HORMAD2: variants seen among roughly 807,000 people sequenced by gnomAD.
HORMAD2 encodes the protein HORMA domain containing 2, also known as HORMA domain-containing protein 2.
Under a neutral mutation model 38.8 loss-of-function variants are expected in HORMAD2, and 45 were observed. The ratio of observed to expected loss-of-function variants is 1.16; its 90% CI spans 0.91 to 1.49. The LOEUF (loss-of-function observed/expected upper bound fraction) is 1.49, where lower values mean the gene tolerates loss of function less well. Ranked by LOEUF, HORMAD2 falls within the 40% of genes most tolerant of loss-of-function variation. The probability of loss-of-function intolerance (pLI) is 0.00; values close to 1 mark genes in which losing one functional copy is unlikely to be tolerated. For synonymous variants in HORMAD2, 126 were observed against 122.8 expected, an observed-to-expected ratio of 1.03 and a Z score of -0.17; for missense variants, 338 against 367.0, an observed-to-expected ratio of 0.92 and a Z score of 0.65.
At chr22:30,175,316 A>AAT (rs373604513) in intron 10 of HORMAD2, among the ~76,000 whole-genome samples, 3,126 of 127,618 alleles carry the variant, frequency 0.024, 110 homozygotes, top group African/African-American at 0.059. Context: ...TATATAATAT[A>AAT]ATATATATAT....
At chr22:30,204,613 G>A in the HORMAD2 span, among the ~76,000 whole-genome samples, 4 of 152,136 alleles carry the variant, frequency 2.6e-5, no homozygotes, top group African/African-American at 4.8e-5. Context: ...AAGGTGTCCC[G>A]GCTGTCCTGG....
chr22:30,142,834 G>T (rs539212675), intron 10 of HORMAD2, among the ~76,000 whole-genome samples: 3 of 151,686 alleles, frequency 2.0e-5, no homozygotes, highest in South Asian at 4.2e-4. Context: ...CTATTTTTTT[G>T]AATTTCTTTA....
At chr22:30,180,372 G>T (rs960985295), downstream of HORMAD2, among the ~76,000 whole-genome samples, 2 of 152,136 alleles carry the variant, frequency 1.3e-5, no homozygotes, top group Non-Finnish European at 2.9e-5. Flanking sequence ...ATTTTAAGGG[G>T]TTGTTGTTTG....
intron 1 of HORMAD2, among the ~76,000 whole-genome samples, chr22:30,084,740 G>A (rs541178812): frequency 9.2e-5 from 14 of 151,914 alleles, no homozygotes; most frequent in South Asian, 2.1e-4. Context: ...CCATCCCACC[G>A]TGACCTCCCA....
chr22:30,207,171 C>G, the HORMAD2 span: 1 of 453,894 alleles, frequency 2.2e-6, no homozygotes, highest in African/African-American at 2.0e-5. Flanking sequence ...AGGCTGAATC[C>G]GCAGAGAGGT....
At chr22:30,205,070 G>A in the HORMAD2 span, among the ~76,000 whole-genome samples, 785 of 152,266 alleles carry the variant, frequency 5.2e-3, 7 homozygotes, top group African/African-American at 0.017. Context: ...TCTGTGAGGC[G>A]GGCAGTTGAG....
intron 10 of HORMAD2, among the ~76,000 whole-genome samples, chr22:30,166,023 C>T (rs895403539): frequency 6.8e-6 from 1 of 146,560 alleles, no homozygotes; most frequent in Non-Finnish European, 1.5e-5. Flanking sequence ...TATTATTATT[C>T]CCCTCATTAT....
chr22:30,119,710 T>C (rs1223433029), intron 8 of HORMAD2, among the ~76,000 whole-genome samples: 3 of 152,152 alleles, frequency 2.0e-5, no homozygotes, highest in Non-Finnish European at 4.4e-5. Flanking sequence ...GTACAGATGA[T>C]GGTGAAAAGC....
chr22:30,164,032 C>T (rs905069969), intron 10 of HORMAD2, among the ~76,000 whole-genome samples: 1 of 152,156 alleles, frequency 6.6e-6, no homozygotes, highest in Non-Finnish European at 1.5e-5. Context: ...ATACCTTACA[C>T]AAGTGGAATT....
At chr22:30,191,341 G>A in the HORMAD2 span, among the ~76,000 whole-genome samples, 1 of 152,158 alleles carries the variant, frequency 6.6e-6, no homozygotes, top group Non-Finnish European at 1.5e-5. Context: ...TGATAGGAAA[G>A]AAAGTTTCTC....
intron 10 of HORMAD2, among the ~76,000 whole-genome samples, chr22:30,171,335 C>T (rs1926097590): frequency 6.6e-6 from 1 of 152,188 alleles, no homozygotes; most frequent in African/African-American, 2.4e-5. Flanking sequence ...ACTCCAAATT[C>T]AGCAGGTTCA....
chr22:30,100,622 AG>A (rs1920936273), intron 3 of HORMAD2, among the ~76,000 whole-genome samples: 1 of 152,246 alleles, frequency 6.6e-6, no homozygotes, highest in African/African-American at 2.4e-5. Flanking sequence ...GCACAGCAAA[AG>A]AAATTGTCAT....
intron 10 of HORMAD2, 144 bp from the exon 11 acceptor site, chr22:30,175,919 A>C: frequency 1.7e-6 from 1 of 571,514 alleles, no homozygotes; most frequent in South Asian, 2.3e-5. Context: ...GCCTCTGTGC[A>C]GGGCCAAACC....
At chr22:30,173,243 T>C (rs1279315116) in intron 10 of HORMAD2, among the ~76,000 whole-genome samples, 2 of 152,220 alleles carry the variant, frequency 1.3e-5, no homozygotes, top group Non-Finnish European at 1.5e-5. Flanking sequence ...AAGTTATTAA[T>C]GGATGACTGA....
At chr22:30,149,910 G>A (rs1169569979) in intron 10 of HORMAD2, among the ~76,000 whole-genome samples, 1 of 152,178 alleles carries the variant, frequency 6.6e-6, no homozygotes, top group Non-Finnish European at 1.5e-5. Context: ...CAGTGTTGCT[G>A]TTGAGAATTT....
chr22:30,103,818 C>T (rs879669450), intron 4 of HORMAD2, among the ~76,000 whole-genome samples: 11 of 151,290 alleles, frequency 7.3e-5, no homozygotes, highest in Non-Finnish European at 1.0e-4. Flanking sequence ...CATGCCACCA[C>T]GCTCAGCTAA....
the HORMAD2 span, among the ~76,000 whole-genome samples, chr22:30,205,258 C>A: frequency 6.6e-6 from 1 of 152,040 alleles, no homozygotes; most frequent in Admixed American, 6.6e-5. Context: ...GGTCACGGAG[C>A]CAGCAAGGGC....
At chr22:30,160,238 T>G (rs764465196) in intron 10 of HORMAD2, among the ~76,000 whole-genome samples, 2 of 151,848 alleles carry the variant, frequency 1.3e-5, no homozygotes, top group Non-Finnish European at 2.9e-5. Flanking sequence ...TCTGCTTGTC[T>G]GACCCTCCTC....
At chr22:30,171,061 ATCTC>A (rs978803597) in intron 10 of HORMAD2, among the ~76,000 whole-genome samples, 42 of 151,936 alleles carry the variant, frequency 2.8e-4, no homozygotes, top group Non-Finnish European at 2.9e-5. Flanking sequence ...GTCTTCTTTT[ATCTC>A]TCTCTTTCTC....
Sources: allele counts gnomAD v4.1 joint callset (sites outside exome capture counted in the v4.1 genomes callset), GRCh38; gene constraint gnomAD v4.1.1; transcripts MANE v1.5; gene names NCBI Gene and HGNC (gene_info 2026-07-23, HGNC 2026-07-21).